The following DOCK7 variants were observed in gnomAD, a reference collection of about 807,000 sequenced individuals.
The protein encoded by DOCK7 is dedicator of cytokinesis 7.
Under a neutral mutation model 271.0 loss-of-function variants are expected in DOCK7, and 138 were observed. The ratio of observed to expected loss-of-function variants is 0.51; its 90% CI spans 0.44 to 0.59. The LOEUF (loss-of-function observed/expected upper bound fraction) is 0.59. Ranked by LOEUF, DOCK7 falls within the 20% of genes least tolerant of loss-of-function variation. The probability of loss-of-function intolerance (pLI) is 0.00; values close to 1 mark genes in which losing one functional copy is unlikely to be tolerated. For missense variants in DOCK7, 2,066 were observed against 2,592.4 expected (o/e 0.80, Z 4.41); for synonymous variants, 823 against 876.1 (o/e 0.94, Z 1.07).
intron 14 of DOCK7, among the ~76,000 whole-genome samples, chr1:62,588,635 A>G (rs1391344448): frequency 6.6e-6 from 1 of 152,200 alleles, no homozygotes; most frequent in East Asian, 1.9e-4. Context: ...AGATCACTTT[A>G]TAAAGGATAA....
At chr1:62,545,763 A>G (rs1315319468) in intron 22 of DOCK7, among the ~76,000 whole-genome samples, 1 of 152,158 alleles carries the variant, frequency 6.6e-6, no homozygotes, top group East Asian at 1.9e-4. Context: ...CTACTAAAGT[A>G]TATGTCCAGA....
chr1:62,537,796 A>C, intron 28 of DOCK7, 95 bp downstream of exon 28: 3 of 1,122,608 alleles, frequency 2.7e-6, no homozygotes, highest in Non-Finnish European at 3.8e-6. Context: ...CCTATCATAC[A>C]GCTGTTATTC....
chr1:62,617,809 A>G (rs1652643263), intron 14 of DOCK7, among the ~76,000 whole-genome samples: 1 of 151,980 alleles, frequency 6.6e-6, no homozygotes, highest in Non-Finnish European at 1.5e-5. Flanking sequence ...GTGCTGATCT[A>G]GATGGTGACA....
intron 8 of DOCK7, 93 bp from the exon 9 acceptor site, chr1:62,635,015 AC>A (rs546776452): frequency 8.5e-6 from 6 of 701,898 alleles, no homozygotes; most frequent in Non-Finnish European, 1.3e-5. Context: ...TACTTTTAGA[AC>A]TCTTTCAATG....
chr1:62,673,965 T>A (rs1248340076), intron 1 of DOCK7, among the ~76,000 whole-genome samples: 3 of 130,170 alleles, frequency 2.3e-5, no homozygotes, highest in Non-Finnish European at 4.9e-5. Flanking sequence ...GGGGGGGAGG[T>A]AGGGAGGGAT....
In DOCK7 at chr1:62,487,438, C is replaced by G. The variant is rs749631889; in HGVS notation, c.5494-26G>C. 3 of 1,608,094 alleles carry G rather than the reference C, an allele frequency of 1.9e-6. No individual in the cohort carries two copies. In the African/African-American group the frequency reaches 4.0e-5, roughly 22 times the overall value. Reference sequence around the variant, plus strand: ...CTGTATAATAAAAAGTAAAAAAGGGCAAGTCATAAAAAAACTGTTTGAAAG... The same window carrying G: ...CTGTATAATAAAAAGTAAAAAAGGGGAAGTCATAAAAAAACTGTTTGAAAG... On this transcript the variant is annotated intron_variant, in intron 42 of 49. Transcript: ENST00000635253.
At chr1:62,565,328 C>T (rs946171664) in intron 18 of DOCK7, among the ~76,000 whole-genome samples, 2 of 152,076 alleles carry the variant, frequency 1.3e-5, no homozygotes, top group Non-Finnish European at 2.9e-5. Context: ...ACTGGCAAAC[C>T]GAATGCAGCA....
At chr1:62,621,537 T>G (rs1007579609) in intron 12 of DOCK7, among the ~76,000 whole-genome samples, 1 of 152,172 alleles carries the variant, frequency 6.6e-6, no homozygotes, top group African/African-American at 2.4e-5. Flanking sequence ...CAACTCACCT[T>G]GAGCCACAAC....
At chr1:62,656,869 A>G (rs1342919337) in intron 2 of DOCK7, among the ~76,000 whole-genome samples, 1 of 152,182 alleles carries the variant, frequency 6.6e-6, no homozygotes, top group Non-Finnish European at 1.5e-5. Flanking sequence ...AAAACAAAAA[A>G]CATTTAGACT....
At chr1:62,581,328 A>G (rs553100481) in intron 16 of DOCK7, among the ~76,000 whole-genome samples, 2 of 152,326 alleles carry the variant, frequency 1.3e-5, no homozygotes, top group South Asian at 4.1e-4. Context: ...AGAAATCAGC[A>G]AGACTTAACA....
intron 48 of DOCK7, among the ~76,000 whole-genome samples, chr1:62,459,479 G>A (rs1156504910): frequency 6.6e-6 from 1 of 151,816 alleles, no homozygotes; most frequent in Non-Finnish European, 1.5e-5. Flanking sequence ...GGCCTCAAGT[G>A]ATCTGCCTAC....
At chr1:62,620,883 C>CAAAAA (rs767181280) in intron 12 of DOCK7, among the ~76,000 whole-genome samples, 2 of 31,106 alleles carry the variant, frequency 6.4e-5, no homozygotes, top group Non-Finnish European at 1.6e-4. Context: ...GACTCCGTCT[C>CAAAAA]AAAAAAAAAA....
chr1:62,611,086 C>T (rs1352508015), intron 14 of DOCK7, among the ~76,000 whole-genome samples: 1 of 152,114 alleles, frequency 6.6e-6, no homozygotes, highest in Non-Finnish European at 1.5e-5. Context: ...ATTTTTATAT[C>T]ACAACTATTA....
At chr1:62,640,348 C>T (rs1422928483) in intron 7 of DOCK7, among the ~76,000 whole-genome samples, 1 of 151,988 alleles carries the variant, frequency 6.6e-6, no homozygotes, top group Admixed American at 6.6e-5. Context: ...TGGGGAAACC[C>T]CGTCTCTACT....
rs558105959 is a variant in DOCK7, at chr1:62,684,048, T to A, written c.38+4179A>T. The stretch of plus-strand genomic sequence containing the variant: ...TGAGGTCAGGAGTTCGAGACCAGTC[T>A]GGCCAACATGGTGAAATCCCGTCAC... On this transcript the variant is annotated intron_variant, in intron 1 of 49. Coordinates refer to ENST00000635253, the MANE Select transcript of DOCK7 (RefSeq NM_001367561.1). 4.1e-4 allele frequency among the ~76,000 whole-genome samples: 63 copies of A among 152,290 alleles called. 1 individual carries two copies. The East Asian group carries it at 0.011, about 28-fold the overall frequency.
At chr1:62,513,056 T>A (rs1440332026) in intron 33 of DOCK7, among the ~76,000 whole-genome samples, 4 of 151,998 alleles carry the variant, frequency 2.6e-5, no homozygotes, top group Non-Finnish European at 5.9e-5. Flanking sequence ...TGGGGGAGGC[T>A]ACGCATACTA....
chr1:62,662,410 C>T (rs1168103), intron 2 of DOCK7, among the ~76,000 whole-genome samples: 87,940 of 151,640 alleles, frequency 0.58, 27,263 homozygotes, highest in East Asian at 0.76. Context: ...TAATTTACTT[C>T]GGTGCTTGTT....
In DOCK7 at chr1:62,573,116, G is replaced by A. The variant is rs142305429; in HGVS notation, c.2112+4146C>T. On this transcript the variant is annotated intron_variant, in intron 18 of 49. Coordinates refer to ENST00000635253, the MANE Select transcript of DOCK7 (RefSeq NM_001367561.1). Reference sequence around the variant, plus strand: ...CAGTAGCATGGAGGAGGGAAAGGTTGCAAATTCATGCAGTGAAGAAAGACT... The same window carrying A: ...CAGTAGCATGGAGGAGGGAAAGGTTACAAATTCATGCAGTGAAGAAAGACT... 2.4e-3 allele frequency among the ~76,000 whole-genome samples: 367 copies of A among 152,292 alleles called. 3 individuals are homozygous for A. Among genetic ancestry groups the A allele is most frequent in the Admixed American group, 6.8e-3 (104 of 15,288 alleles).
At chr1:62,531,978 T>G (rs1275057041) in intron 29 of DOCK7, among the ~76,000 whole-genome samples, 2 of 152,108 alleles carry the variant, frequency 1.3e-5, no homozygotes, top group Admixed American at 1.3e-4. Context: ...ACAAGCAAAT[T>G]TCAGATAAGT....
Sources: allele counts gnomAD v4.1 joint callset (sites outside exome capture counted in the v4.1 genomes callset), GRCh38; gene constraint gnomAD v4.1.1; transcripts MANE v1.5; gene names NCBI Gene and HGNC (gene_info 2026-07-23, HGNC 2026-07-21).